Variants in DIDO1 observed in about 807,000 individuals in gnomAD.
DIDO1 encodes death inducer-obliterator 1, also known as death-inducer obliterator 1.
DIDO1 carries 16 observed loss-of-function variants against 99.4 expected under a neutral mutation model. That is an observed-to-expected ratio of 0.16 (90% CI 0.11 to 0.24). The LOEUF (loss-of-function observed/expected upper bound fraction) is 0.24. Among genes scored for constraint, DIDO1 ranks in the 10% least tolerant of loss-of-function variants. DIDO1 has a pLI of 1.00. For synonymous variants in DIDO1, 1,366 were observed against 1,239.1 expected (o/e 1.10, Z -2.15); for missense variants, 2,996 against 3,014.0 (o/e 0.99, Z 0.14).
At position 62,894,261 on chromosome 20, in the gene DIDO1, C is replaced by T. The variant is rs999136381; in HGVS notation, c.2573-67G>A. The stretch of plus-strand genomic sequence containing the variant: ...CACACTGGTGTTTCTCACACAAAGC[C>T]GAAAGCAATACTCTAAAGGCAGGGC... On this transcript the variant is annotated intron_variant, in intron 11 of 15. Transcript: ENST00000395343. This position sits in a 1 kb window ranked among gnomAD's most constrained non-coding sequence, Gnocchi z 4.4. 2.4e-5 allele frequency: 38 copies of T among 1,582,620 alleles called. No individual in the cohort carries two copies. The highest frequency in any genetic ancestry group is 4.6e-5 in the South Asian group (4 of 87,756).
chr20:62,894,676 C>A lies in DIDO1; in HGVS notation c.2437-128G>T. 7.1e-7 allele frequency: 1 copy of A among 1,417,526 alleles called. No individual in the cohort carries two copies. Among genetic ancestry groups the A allele is most frequent in the Non-Finnish European group, 9.5e-7 (1 of 1,053,796 alleles). The allele number at this position is 1,417,526 out of a possible 1,614,324, so 87.8% of individuals were successfully genotyped here. A position where few individuals can be genotyped will look rare whatever the true frequency, so the allele number is the denominator to read the frequency against. On this transcript the variant is annotated intron_variant, in intron 10 of 15. Coordinates refer to ENST00000395343, the MANE Select transcript of DIDO1 (RefSeq NM_001193369.2). The surrounding 1 kb of genome is among the most constrained non-coding windows in gnomAD (Gnocchi z 4.4). ...GGGGAGAAAAAAGGACCATCTAATA[C>A]AAGGACTGAGGAATGCCACAATGAC...
upstream of DIDO1, among the ~76,000 whole-genome samples, chr20:62,927,301 G>A (rs539442328): frequency 1.3e-5 from 2 of 152,342 alleles, no homozygotes; most frequent in Admixed American, 1.3e-4. Flanking sequence ...GGGGTTGGAG[G>A]GAAAGATTAG....
At chr20:62,928,442 G>C (rs1321446515), upstream of DIDO1, among the ~76,000 whole-genome samples, 1 of 152,116 alleles carries the variant, frequency 6.6e-6, no homozygotes, top group Non-Finnish European at 1.5e-5. Flanking sequence ...AAGCTGGCTC[G>C]GCTGTGGAGG....
At chr20:62,887,649 C>T in intron 15 of DIDO1, 1 of 985,470 alleles carries the variant, frequency 1.0e-6, no homozygotes, top group Non-Finnish European at 1.2e-6. Context: ...GCATGGTTAA[C>T]AGGCAGGCAT....
chr20:62,911,164 T>C lies in DIDO1; in HGVS notation c.449A>G (p.Asp150Gly), dbSNP rs752172138. The C allele has an allele frequency of 2.3e-5, 37 of 1,613,952 alleles. No homozygotes were observed. Among genetic ancestry groups the C allele is most frequent in the Non-Finnish European group, 2.9e-5 (34 of 1,180,048 alleles). Residue 150 changes from aspartate to glycine, a missense_variant, in exon 3 of 16, where the codon GAC (aspartate) becomes GGC (glycine). Asp to Gly is a moderately conservative substitution (Grantham distance 94). This residue lies in a region of DIDO1 where 388 missense variants were observed against 376.6 expected (regional missense o/e 1.03). Coordinates refer to ENST00000395343, the MANE Select transcript of DIDO1 (RefSeq NM_001193369.2). This position sits in a 1 kb window ranked among gnomAD's most constrained non-coding sequence, Gnocchi z 7.0. ...GCCATCGCTGTCACTATCGGAGGTG[T>C]CATCGTGGTCATCCCCTCCTTTCAC... ...EKVKGGDDHD[D>G]TSDSDSDGLT...
In DIDO1 at chr20:62,905,298, G is replaced by C. The variant is rs188596680; in HGVS notation, c.1588+589C>G. The stretch of plus-strand genomic sequence containing the variant: ...CAGGAGTGTGTGGCCTTCGAAGTTC[G>C]AATGTGTTCATGTGGGTGTGTAGCG... On this transcript the variant is annotated intron_variant, in intron 6 of 15. Transcript: ENST00000395343. 9.2e-5 allele frequency: 129 copies of C among 1,398,602 alleles called. 1 individual carries two copies. In the African/African-American group the frequency reaches 1.8e-3, roughly 19 times the overall value. The allele number at this position is 1,398,602 out of a possible 1,614,324, so 86.6% of individuals were successfully genotyped here.
intron 15 of DIDO1, chr20:62,888,244 G>A (rs1176786519): frequency 1.2e-5 from 12 of 985,392 alleles, no homozygotes; most frequent in African/African-American, 1.7e-5. Flanking sequence ...ACCTGCAATT[G>A]TGTGGTATAA....
intron 15 of DIDO1, among the ~76,000 whole-genome samples, chr20:62,883,822 T>C (rs1268333700): frequency 6.6e-6 from 1 of 151,292 alleles, no homozygotes; most frequent in African/African-American, 2.4e-5. Flanking sequence ...TGAGACTCTG[T>C]CTCAAAAAAA....
intron 15 of DIDO1, among the ~76,000 whole-genome samples, chr20:62,883,213 C>G (rs910771363): frequency 3.3e-5 from 5 of 151,928 alleles, no homozygotes; most frequent in African/African-American, 1.2e-4. Context: ...CGTAAGCCAC[C>G]GCACCCGGAC....
In DIDO1 at chr20:62,880,971, G is replaced by A; in HGVS notation, c.4985C>T (p.Thr1662Ile). ...GGGCTGCAGGGCGCCGCAAGGCGGT[G>A]TGGGCAGCAGCACCCTCCGGGCAGG... Reference protein sequence around the residue: ...ARPARRVLLPTPPCGALQPGF... With the variant: ...ARPARRVLLPIPPCGALQPGF... The change falls in exon 16 of 16, where the codon ACA becomes ATA. Residue 1662 changes from threonine to isoleucine, a missense_variant. By Grantham distance (89) the Thr-to-Ile change is moderately conservative (BLOSUM62 -1). Around this residue, in one of 5 missense-constraint regions of DIDO1, gnomAD observed 1,562 missense variants for 1,412.6 expected, o/e 1.11. Transcript: ENST00000395343. 1.2e-6 allele frequency: 2 copies of A among 1,606,614 alleles called. No homozygotes were observed. The highest frequency in any genetic ancestry group is 1.7e-6 in the Non-Finnish European group (2 of 1,179,426).
intron 15 of DIDO1, among the ~76,000 whole-genome samples, chr20:62,885,358 C>A (rs990311637): frequency 1.3e-4 from 20 of 152,216 alleles, no homozygotes; most frequent in African/African-American, 4.1e-4. Context: ...AGACACTCAG[C>A]TTCTAAAGGG....
chr20:62,905,521 G>T (rs746837944), intron 6 of DIDO1: 1 of 1,551,020 alleles, frequency 6.4e-7, no homozygotes, highest in African/African-American at 1.4e-5. Flanking sequence ...CTCATGTGCA[G>T]ACAGGGGTGG....
Position 62,880,576 on chromosome 20 carries a change from C to G in DIDO1, c.5380G>C (p.Gly1794Arg). ...GCTCCGAATCTGGCTGGCGGAGGCC[C>G]TCGTGGCCCATCGTTAGAAGCGATA... ...ENIASNDGPRGPPPARFGAQK... is the reference protein window; with the variant it reads ...ENIASNDGPRRPPPARFGAQK... Residue 1794 changes from glycine (G) to arginine (R), a missense_variant, in exon 16 of 16, where the codon GGG (glycine) becomes CGG (arginine). Physicochemically the swap from Gly to Arg is moderately radical, Grantham distance 125. Transcript: ENST00000395343. The G allele has an allele frequency of 6.2e-7, 1 of 1,612,922 alleles. No individual in the cohort carries two copies. The highest frequency in any genetic ancestry group is 1.1e-5 in the South Asian group (1 of 91,088).
intron 3 of DIDO1, among the ~76,000 whole-genome samples, chr20:62,910,456 C>A (rs533750054): frequency 1.3e-5 from 2 of 152,308 alleles, no homozygotes; most frequent in East Asian, 3.9e-4. Context: ...CTCAGACAGA[C>A]CCCGGAGTGA....
chr20:62,903,332 G>A (rs1275072697), intron 6 of DIDO1, among the ~76,000 whole-genome samples: 1 of 152,176 alleles, frequency 6.6e-6, no homozygotes, highest in Non-Finnish European at 1.5e-5. Flanking sequence ...AGGACAGGAG[G>A]GTGCCTAGGT....
At chr20:62,888,273 G>C in intron 15 of DIDO1, 1 of 985,510 alleles carries the variant, frequency 1.0e-6, no homozygotes, top group Non-Finnish European at 1.2e-6. Context: ...ACATGGACGA[G>C]TCAGTCACTC....
intron 1 of DIDO1, among the ~76,000 whole-genome samples, chr20:62,935,087 C>G (rs952287475): frequency 6.6e-6 from 1 of 152,160 alleles, no homozygotes; most frequent in African/African-American, 2.4e-5. Flanking sequence ...GGTGAACTCA[C>G]CACCTTTCCC....
At chr20:62,889,460 G>T in intron 15 of DIDO1, 1 of 985,424 alleles carries the variant, frequency 1.0e-6, no homozygotes, top group Non-Finnish European at 1.2e-6. Context: ...TTTTAAAAAG[G>T]GGAGGCTCGC....
rs978695978 is a variant in DIDO1 at position 62,881,549 on chromosome 20, C to T, written c.4407G>A (p.Thr1469=). 2.5e-6 allele frequency: 4 copies of T among 1,611,750 alleles called. No individual in the cohort carries two copies. The highest frequency in any genetic ancestry group is 1.3e-5 in the African/African-American group (1 of 75,068). ...TCTTCTGTTGCTCCACCAGGGAGGG[C>T]GTCGCAGCCCCGGCCACCGGCTCGG... The part of the protein sequence containing the change: ...RPAEPVAGAA[T]PSLVEQQKML... The change falls in exon 16 of 16, where the codon ACG becomes ACA. Residue 1469 remains threonine (T), a synonymous_variant. Coordinates refer to ENST00000395343, the MANE Select transcript of DIDO1 (RefSeq NM_001193369.2). The surrounding 1 kb of genome is among the most constrained non-coding windows in gnomAD (Gnocchi z 8.3).
Sources: gnomAD v4.1 joint callset for allele counts (sites outside exome capture counted in the v4.1 genomes callset) on GRCh38, gnomAD v4.1.1 for gene constraint, gnomAD v4.1.1 regional missense constraint, Gnocchi (gnomAD v3.1) non-coding constraint, MANE v1.5 for transcripts, NCBI Gene and HGNC (gene_info 2026-07-23, HGNC 2026-07-21) for gene names.